TANGO6: variants seen among roughly 807,000 people sequenced by gnomAD.
TANGO6 encodes transport and golgi organization 6 homolog.
Under a neutral mutation model 114.2 loss-of-function variants are expected in TANGO6, and 90 were observed. That is an observed-to-expected ratio of 0.79 (90% CI 0.66 to 0.94). The LOEUF is 0.94. TANGO6 is among the 40% of genes least tolerant of loss of function. TANGO6 has a pLI of 0.00. For synonymous variants in TANGO6, 477 were observed against 509.8 expected (o/e 0.94, Z 0.87); for missense variants, 1,274 against 1,315.3 (o/e 0.97, Z 0.49).
At chr16:68,994,744 T>TA (rs200683230) in intron 15 of TANGO6, among the ~76,000 whole-genome samples, 243 of 149,436 alleles carry the variant, frequency 1.6e-3, no homozygotes, top group African/African-American at 4.8e-3. Context: ...CCAGCTAATT[T>TA]AAAAAAAAAA....
At chr16:68,999,076 GT>G (rs1269137391) in intron 15 of TANGO6, among the ~76,000 whole-genome samples, 5 of 151,988 alleles carry the variant, frequency 3.3e-5, no homozygotes, top group Admixed American at 2.6e-4. Context: ...AAAAGACAGG[GT>G]TTTGCCATGT....
chr16:68,857,111 AAAAAAC>A (rs574213816), intron 1 of TANGO6, among the ~76,000 whole-genome samples: 2 of 152,304 alleles, frequency 1.3e-5, no homozygotes, highest in South Asian at 2.1e-4. Flanking sequence ...TGTCTCAAAT[AAAAAAC>A]AAAAACAAAA....
At position 68,860,434 on chromosome 16, in the gene TANGO6, C is replaced by G. The variant is rs749112430; in HGVS notation, c.645C>G (p.Ile215Met). The G allele has an allele frequency of 8.7e-6, 14 of 1,613,900 alleles. No homozygotes were observed. Among genetic ancestry groups the G allele is most frequent in the Admixed American group, 3.3e-5 (2 of 59,992 alleles). ...VAQHTSLGSL[I>M]FCHHFGDIAA... ...AGCACACATCTCTGGGGAGCTTGATCTTCTGCCACCACTTTGGGGATATCG... is the reference window on the plus strand; with the variant it reads ...AGCACACATCTCTGGGGAGCTTGATGTTCTGCCACCACTTTGGGGATATCG... The change falls in exon 2 of 18, where the codon ATC (isoleucine) becomes ATG (methionine). Residue 215 changes from isoleucine (I) to methionine (M), a missense_variant. Ile to Met is a conservative substitution (Grantham distance 10). Coordinates refer to ENST00000261778, the MANE Select transcript of TANGO6 (RefSeq NM_024562.2).
Position 68,902,976 on chromosome 16 carries a change from T to C in TANGO6, c.1667+472T>C, listed in dbSNP as rs1405650656. 2.0e-5 allele frequency among the ~76,000 whole-genome samples: 3 copies of C among 152,222 alleles called. No homozygotes were observed. In the East Asian group the frequency reaches 5.8e-4, roughly 29 times the overall value. ...TTGATTAGAAAGTGCTTAATAAATA[T>C]TAGTGGAATGGATCATTTATTTCTC... is the stretch of plus-strand genomic sequence containing the variant. On this transcript the variant is annotated intron_variant, in intron 9 of 17. Coordinates refer to ENST00000261778, the MANE Select transcript of TANGO6 (RefSeq NM_024562.2).
intron 1 of TANGO6, among the ~76,000 whole-genome samples, chr16:68,852,290 C>G (rs777512193): frequency 2.6e-5 from 4 of 152,132 alleles, no homozygotes; most frequent in Non-Finnish European, 5.9e-5. Context: ...CCATAATTTA[C>G]TCAACAAACA....
chr16:69,029,100 T>G (rs887750711), intron 16 of TANGO6, among the ~76,000 whole-genome samples: 1 of 152,212 alleles, frequency 6.6e-6, no homozygotes, highest in East Asian at 1.9e-4. Flanking sequence ...GCTAGCAGCA[T>G]ATGATTTACT....
At chr16:68,890,707 A>C (rs1962601144) in intron 7 of TANGO6, among the ~76,000 whole-genome samples, 1 of 151,914 alleles carries the variant, frequency 6.6e-6, no homozygotes, top group South Asian at 2.1e-4. Context: ...CAATATGGTG[A>C]AACCCTGTCT....
chr16:68,907,392 T>TA lies in TANGO6; in HGVS notation c.1668-50dup, dbSNP rs1329027651. ...AGAAGATTGTTATGGGGTTTAAAAT[T>TA]ATGTGTATCTCTGGTGACACTACCA... is the stretch of plus-strand genomic sequence containing the variant. On this transcript the variant is annotated intron_variant, in intron 9 of 17. Coordinates refer to ENST00000261778, the MANE Select transcript of TANGO6 (RefSeq NM_024562.2). The TA allele has an allele frequency of 1.1e-5, 17 of 1,503,212 alleles. No homozygotes were observed. In the African/African-American group the frequency reaches 1.7e-4, roughly 15 times the overall value. 93.1% of individuals were successfully genotyped at this position (1,503,212 alleles called of 1,614,324 possible).
chr16:69,003,428 A>G (rs538805160), intron 15 of TANGO6, among the ~76,000 whole-genome samples: 34 of 152,236 alleles, frequency 2.2e-4, no homozygotes, highest in Non-Finnish European at 4.6e-4. Context: ...AGCCTTAGCT[A>G]CTGAGCTACA....
intron 2 of TANGO6, among the ~76,000 whole-genome samples, chr16:68,862,515 T>C (rs1962111203): frequency 2.6e-5 from 4 of 152,142 alleles, no homozygotes; most frequent in Non-Finnish European, 5.9e-5. Context: ...AACAGTGCTC[T>C]TCAGAATTAG....
intron 9 of TANGO6, among the ~76,000 whole-genome samples, chr16:68,902,753 T>C (rs192607541): frequency 6.6e-6 from 1 of 152,310 alleles, no homozygotes; most frequent in African/African-American, 2.4e-5. Context: ...ACAAGCCCAC[T>C]TACTCCACCA....
intron 14 of TANGO6, among the ~76,000 whole-genome samples, chr16:68,957,298 C>A (rs1963540839): frequency 6.6e-6 from 1 of 151,900 alleles, no homozygotes; most frequent in African/African-American, 2.4e-5. Flanking sequence ...CACAGAAACT[C>A]TATAACATTA....
At chr16:68,952,310 A>G (rs1261109371) in intron 14 of TANGO6, among the ~76,000 whole-genome samples, 2 of 152,218 alleles carry the variant, frequency 1.3e-5, no homozygotes, top group Non-Finnish European at 2.9e-5. Flanking sequence ...CCTTAAATAC[A>G]GCATCCCACA....
chr16:69,041,964 GAGAA>G (rs1156856870), intron 17 of TANGO6, among the ~76,000 whole-genome samples: 2 of 152,152 alleles, frequency 1.3e-5, no homozygotes, highest in East Asian at 1.9e-4. Flanking sequence ...TGATTTAAAT[GAGAA>G]AGAAAGAAGA....
At chr16:68,956,299 A>T (rs1963529395) in intron 14 of TANGO6, among the ~76,000 whole-genome samples, 1 of 152,238 alleles carries the variant, frequency 6.6e-6, no homozygotes, top group African/African-American at 2.4e-5. Flanking sequence ...TGAACTGAAC[A>T]TAAGAACCTG....
At chr16:68,891,738 C>T (rs1962624038) in intron 7 of TANGO6, among the ~76,000 whole-genome samples, 1 of 151,144 alleles carries the variant, frequency 6.6e-6, no homozygotes, top group Non-Finnish European at 1.5e-5. Context: ...TGATTCTGCT[C>T]TGTTAGTTAG....
chr16:68,965,094 T>C (rs1963632182), intron 14 of TANGO6, among the ~76,000 whole-genome samples: 1 of 152,258 alleles, frequency 6.6e-6, no homozygotes, highest in African/African-American at 2.4e-5. Flanking sequence ...TTAAATGTAA[T>C]ACACCATTTT....
chr16:68,928,100 G>C lies in TANGO6; in HGVS notation c.2643+17G>C, dbSNP rs763331386. 1.2e-5 allele frequency: 18 copies of C among 1,550,920 alleles called. No individual in the cohort carries two copies. Among genetic ancestry groups the C allele is most frequent in the Non-Finnish European group, 1.0e-5 (12 of 1,148,216 alleles). On this transcript the variant is annotated intron_variant, in intron 13 of 17. Transcript: ENST00000261778. ...CTTCTCAAGGTGAGTAGAACACACT[G>C]TAAAGACACATGGGCACAGGGTGGG... is the stretch of plus-strand genomic sequence containing the variant.
chr16:68,890,639 C>T (rs1261442378), intron 7 of TANGO6, among the ~76,000 whole-genome samples: 1 of 152,098 alleles, frequency 6.6e-6, no homozygotes, highest in Non-Finnish European at 1.5e-5. Flanking sequence ...TCCCAGCACA[C>T]TTTGGGAGGC....
Sources: allele counts gnomAD v4.1 joint callset (sites outside exome capture counted in the v4.1 genomes callset), GRCh38; gene constraint gnomAD v4.1.1; transcripts MANE v1.5; gene names NCBI Gene and HGNC (gene_info 2026-07-23, HGNC 2026-07-21).